The following DLGAP1 variants were observed in gnomAD, a reference collection of about 807,000 sequenced individuals.
The protein encoded by DLGAP1 is disks large-associated protein 1.
Under a neutral mutation model 90.8 loss-of-function variants are expected in DLGAP1, and 11 were observed. The ratio of observed to expected loss-of-function variants is 0.12; its 90% CI spans 0.08 to 0.20. DLGAP1 has a LOEUF of 0.20. Ranked by LOEUF, DLGAP1 falls within the 10% of genes least tolerant of loss-of-function variation. DLGAP1 has a pLI of 1.00. For synonymous variants in DLGAP1, 558 were observed against 540.7 expected (o/e 1.03, Z -0.44); for missense variants, 1,050 against 1,333.8 (o/e 0.79, Z 3.31).
chr18:3,822,025 A>G (rs1052507608), intron 4 of DLGAP1: 1 of 302,000 alleles, frequency 3.3e-6, no homozygotes, highest in African/African-American at 4.9e-5. Flanking sequence ...GCAAAAACAG[A>G]AAAAAAAAAA....
chr18:4,124,794 A>C (rs2076207111), intron 2 of DLGAP1, among the ~76,000 whole-genome samples: 1 of 152,160 alleles, frequency 6.6e-6, no homozygotes, highest in East Asian at 1.9e-4. Flanking sequence ...TGAGAATCAC[A>C]TTCTCTTGAT....
At chr18:4,217,039 G>T (rs8084973) in intron 1 of DLGAP1, among the ~76,000 whole-genome samples, 1 of 151,814 alleles carries the variant, frequency 6.6e-6, no homozygotes, top group African/African-American at 2.4e-5. Context: ...ATATCCGTCC[G>T]TCTCTCCCTC....
At chr18:3,693,988 A>AT (rs2060992316) in intron 7 of DLGAP1, among the ~76,000 whole-genome samples, 1 of 151,914 alleles carries the variant, frequency 6.6e-6, no homozygotes, top group Admixed American at 6.6e-5. Context: ...CCATCAACCC[A>AT]TTGTCTACAT....
chr18:3,621,657 A>G (rs577388548), intron 7 of DLGAP1, among the ~76,000 whole-genome samples: 56 of 152,268 alleles, frequency 3.7e-4, no homozygotes, highest in Middle Eastern at 6.8e-3. Flanking sequence ...TCTGTCTATA[A>G]ATCTTCCACT....
intron 1 of DLGAP1, among the ~76,000 whole-genome samples, chr18:4,365,402 G>C (rs554961690): frequency 1.2e-4 from 19 of 152,102 alleles, no homozygotes; most frequent in Non-Finnish European, 1.9e-4. Flanking sequence ...CTAGGGCTTG[G>C]GGTGGGGAGG....
At chr18:4,170,379 A>G (rs576118028) in intron 1 of DLGAP1, among the ~76,000 whole-genome samples, 68 of 152,276 alleles carry the variant, frequency 4.5e-4, no homozygotes, top group African/African-American at 1.6e-3. Context: ...TAAAATGTCT[A>G]TTAGACATCC....
At chr18:3,515,951 A>G (rs772252505) in intron 10 of DLGAP1, among the ~76,000 whole-genome samples, 6 of 152,154 alleles carry the variant, frequency 3.9e-5, no homozygotes, top group Non-Finnish European at 5.9e-5. Flanking sequence ...CTCATCCATA[A>G]GAAGTAACTA....
chr18:3,499,209 G>T lies in DLGAP1; in HGVS notation c.2910C>A (p.Ile970=), dbSNP rs2049798201. The change falls in exon 13 of 13, where the codon ATC becomes ATA. Residue 970 remains isoleucine (I), a synonymous_variant. Coordinates refer to ENST00000315677, the MANE Select transcript of DLGAP1 (RefSeq NM_004746.4). This position sits in a 1 kb window ranked among gnomAD's most constrained non-coding sequence, Gnocchi z 6.4. Reference sequence around the variant, plus strand: ...CTCAGAGCCGGGTCTGCGCCTCGGGGATGTAGATCTCGATGCTCTCGGCGC... The same window carrying T: ...CTCAGAGCCGGGTCTGCGCCTCGGGTATGTAGATCTCGATGCTCTCGGCGC... ...TESAESIEIY[I]PEAQTRL is the part of the protein sequence containing the mutation. 2 of 1,595,544 alleles carry T rather than the reference G, an allele frequency of 1.3e-6. No homozygotes were observed. Among genetic ancestry groups the T allele is most frequent in the South Asian group, 2.2e-5 (2 of 89,622 alleles).
intron 2 of DLGAP1, among the ~76,000 whole-genome samples, chr18:4,054,571 G>A (rs575253763): frequency 1.3e-3 from 197 of 152,310 alleles, no homozygotes; most frequent in Non-Finnish European, 2.3e-3. Flanking sequence ...GTTGGTGTAA[G>A]TATTAAGGTG....
At chr18:3,977,750 T>C (rs926805907) in intron 3 of DLGAP1, 3 of 350,974 alleles carry the variant, frequency 8.5e-6, no homozygotes, top group Non-Finnish European at 1.6e-5. Context: ...TTGAGGGCAA[T>C]GCCCACCCCA....
At position 3,618,522 on chromosome 18, in the gene DLGAP1, T is replaced by C. The variant is rs866681175; in HGVS notation, c.1592-36274A>G. On this transcript the variant is annotated intron_variant, in intron 7 of 12. Coordinates refer to ENST00000315677, the MANE Select transcript of DLGAP1 (RefSeq NM_004746.4). The stretch of plus-strand genomic sequence containing the variant: ...CATCAAATAAATAACCTGCAGGGAG[T>C]TGGCACTGGTGACTGCTAGCCATAA... Among the ~76,000 whole-genome samples, 27 of 150,896 alleles carry C rather than the reference T, an allele frequency of 1.8e-4. 1 individual carries two copies. The highest frequency in any genetic ancestry group is 6.8e-3 in the Middle Eastern group (2 of 294).
intron 1 of DLGAP1, among the ~76,000 whole-genome samples, chr18:4,357,854 G>C (rs773999896): frequency 1.3e-5 from 2 of 152,232 alleles, no homozygotes; most frequent in Non-Finnish European, 2.9e-5. Flanking sequence ...CTATGGCAGT[G>C]AGAAATGCAG....
At chr18:3,953,220 G>T (rs7239297) in intron 3 of DLGAP1, among the ~76,000 whole-genome samples, 1 of 151,864 alleles carries the variant, frequency 6.6e-6, no homozygotes, top group Non-Finnish European at 1.5e-5. Flanking sequence ...TATAAGCATA[G>T]GTTTCTTACA....
At chr18:4,035,325 G>A (rs2074870898) in intron 2 of DLGAP1, among the ~76,000 whole-genome samples, 1 of 151,630 alleles carries the variant, frequency 6.6e-6, no homozygotes, top group African/African-American at 2.4e-5. Context: ...CCAGCCTTAG[G>A]GACAGAACAA....
At chr18:3,617,239 A>G (rs1384286620) in intron 7 of DLGAP1, among the ~76,000 whole-genome samples, 4 of 152,214 alleles carry the variant, frequency 2.6e-5, no homozygotes, top group Non-Finnish European at 5.9e-5. Flanking sequence ...AGTGAGTGGC[A>G]GAGATGGGAT....
intron 2 of DLGAP1, among the ~76,000 whole-genome samples, chr18:4,105,173 T>C (rs1251881361): frequency 3.9e-5 from 6 of 152,112 alleles, no homozygotes. Context: ...TAGTGAGATG[T>C]GTACCGAGTG....
intron 7 of DLGAP1, among the ~76,000 whole-genome samples, chr18:3,716,425 A>G (rs2061762798): frequency 6.6e-6 from 1 of 152,038 alleles, no homozygotes; most frequent in African/African-American, 2.4e-5. Flanking sequence ...GGTCCTAGCT[A>G]CTCAGGGGGC....
intron 1 of DLGAP1, among the ~76,000 whole-genome samples, chr18:4,270,190 G>A (rs1287105547): frequency 6.6e-6 from 1 of 152,164 alleles, no homozygotes; most frequent in Non-Finnish European, 1.5e-5. Context: ...CTAATACAGG[G>A]TGGTTTCATT....
intron 6 of DLGAP1, 81 bp downstream of exon 6, chr18:3,742,253 TC>T: frequency 1.3e-6 from 2 of 1,512,778 alleles, no homozygotes; most frequent in Non-Finnish European, 9.0e-7. Context: ...AATGACTGCC[TC>T]CCCACCTCAT....
Sources: allele counts gnomAD v4.1 joint callset (sites outside exome capture counted in the v4.1 genomes callset), GRCh38; gene constraint gnomAD v4.1.1; non-coding constraint Gnocchi (gnomAD v3.1); transcripts MANE v1.5; gene names NCBI Gene and HGNC (gene_info 2026-07-23, HGNC 2026-07-21).